EARS2: variants seen among roughly 807,000 people sequenced by gnomAD.
EARS2 encodes nondiscriminating glutamyl-tRNA synthetase EARS2, mitochondrial.
Under a neutral mutation model 54.1 loss-of-function variants are expected in EARS2, and 50 were observed. That is an observed-to-expected ratio of 0.92 (90% confidence interval 0.74 to 1.17). The LOEUF (loss-of-function observed/expected upper bound fraction) is 1.17. Ranked by LOEUF, EARS2 falls within the 50% of genes most tolerant of loss-of-function variation. The pLI, the probability that EARS2 is intolerant of heterozygous loss-of-function variation, is 0.00. For missense variants in EARS2, 673 were observed against 675.0 expected (o/e 1.00, Z 0.03); for synonymous variants, 298 against 281.0 (o/e 1.06, Z -0.61).
At chr16:23,547,489 T>A (rs1371742833) in intron 2 of EARS2, among the ~76,000 whole-genome samples, 1 of 152,178 alleles carries the variant, frequency 6.6e-6, no homozygotes, top group Admixed American at 6.5e-5. Flanking sequence ...GTAAATTTCA[T>A]ATCATGTGAA....
At chr16:23,540,367 C>T (rs1965492553) in intron 3 of EARS2, among the ~76,000 whole-genome samples, 1 of 152,140 alleles carries the variant, frequency 6.6e-6, no homozygotes, top group African/African-American at 2.4e-5. Context: ...AATAAAAAGG[C>T]AATGTCACCG....
At chr16:23,540,524 C>T (rs1293554733) in intron 3 of EARS2, among the ~76,000 whole-genome samples, 1 of 152,232 alleles carries the variant, frequency 6.6e-6, no homozygotes, top group East Asian at 1.9e-4. Flanking sequence ...AGCTACAACT[C>T]GACTCTGCAA....
In EARS2 at chr16:23,531,603, A is replaced by G. The variant is rs79579897; in HGVS notation, c.1067+1054T>C. ...AACCTCTCTATGTCCTGGGTTCCTC[A>G]TACGTGAAACAGGGCAAAATCATAC... is the stretch of plus-strand genomic sequence containing the variant. On this transcript the variant is annotated intron_variant, in intron 5 of 8. Transcript: ENST00000449606. Among the ~76,000 whole-genome samples, 14 of 152,270 alleles carry G rather than the reference A, an allele frequency of 9.2e-5. No individual in the cohort carries two copies. The East Asian group carries it at 2.7e-3, about 29-fold the overall frequency.
At chr16:23,544,190 A>G (rs574973934) in intron 3 of EARS2, among the ~76,000 whole-genome samples, 20 of 152,282 alleles carry the variant, frequency 1.3e-4, no homozygotes, top group South Asian at 2.1e-4. Flanking sequence ...AAGCTGCTCT[A>G]TGGAGAGGCT....
At chr16:23,557,354 A>C (rs1229284619), upstream of EARS2, 16 of 1,540,770 alleles carry the variant, frequency 1.0e-5, no homozygotes, top group East Asian at 4.8e-5. Context: ...GTGGGATGGA[A>C]TAGCACACGT....
At chr16:23,544,372 A>G in intron 3 of EARS2, 142 bp downstream of exon 3, 1 of 803,270 alleles carries the variant, frequency 1.2e-6, no homozygotes, top group Non-Finnish European at 1.9e-6. Flanking sequence ...CCCTGAGCCA[A>G]AGAAACAGGT....
intron 1 of EARS2, among the ~76,000 whole-genome samples, chr16:23,555,674 G>C (rs1056229695): frequency 5.3e-5 from 8 of 152,320 alleles, no homozygotes; most frequent in Middle Eastern, 3.4e-3. Context: ...CAGAAACTGA[G>C]AGTAAAGGTT....
chr16:23,543,778 T>C (rs1235105441), intron 3 of EARS2, among the ~76,000 whole-genome samples: 1 of 151,242 alleles, frequency 6.6e-6, no homozygotes, highest in Admixed American at 6.6e-5. Flanking sequence ...TGAAACCTTT[T>C]GAGTGCTGAC....
chr16:23,551,162 G>A (rs796613584), intron 2 of EARS2, among the ~76,000 whole-genome samples: 6 of 152,364 alleles, frequency 3.9e-5, no homozygotes, highest in African/African-American at 9.6e-5. Context: ...CAGCATTCCC[G>A]CATGGGCACA....
chr16:23,557,364 T>C (rs1965820212), upstream of EARS2: 3 of 1,537,930 alleles, frequency 2.0e-6, no homozygotes, highest in African/African-American at 1.4e-5. Flanking sequence ...ATAGCACACG[T>C]GGGCTTCTCC....
chr16:23,551,220 T>C (rs1290140487), intron 2 of EARS2, among the ~76,000 whole-genome samples: 1 of 152,212 alleles, frequency 6.6e-6, no homozygotes, highest in East Asian at 1.9e-4. Flanking sequence ...AGGTGTGGTT[T>C]TCACAGCTCA....
chr16:23,524,516 A>T, intron 8 of EARS2, 62 bp from the exon 9 acceptor site: 2 of 1,440,072 alleles, frequency 1.4e-6, no homozygotes, highest in East Asian at 4.5e-5. Flanking sequence ...ACTGAAGCTC[A>T]GCCTTAGTCT....
chr16:23,524,279 C>T lies in EARS2; in HGVS notation c.*92G>A, dbSNP rs1344537910. The T allele has an allele frequency of 6.4e-6, 7 of 1,096,062 alleles. No individual in the cohort carries two copies. Among genetic ancestry groups the T allele is most frequent in the Middle Eastern group, 2.2e-4 (1 of 4,606 alleles). 67.9% of individuals were successfully genotyped at this position (1,096,062 alleles called of 1,614,324 possible). A position where few individuals can be genotyped will look rare whatever the true frequency, so the allele number is the denominator to read the frequency against. On this transcript the variant is annotated 3_prime_UTR_variant, in exon 9 of 9. Transcript: ENST00000449606. ...CTCTTAGTTCCTTCAGCAAACTTCCCGACGGGCCCCAGGCCTCCTTCTGGT... is the reference window on the plus strand; with the variant it reads ...CTCTTAGTTCCTTCAGCAAACTTCCTGACGGGCCCCAGGCCTCCTTCTGGT...
intron 5 of EARS2, among the ~76,000 whole-genome samples, chr16:23,531,351 C>T (rs1965324609): frequency 6.6e-6 from 1 of 151,942 alleles, no homozygotes; most frequent in African/African-American, 2.4e-5. Context: ...AGCTCCGCCT[C>T]CTGGGTTCAC....
intron 3 of EARS2, among the ~76,000 whole-genome samples, chr16:23,537,756 T>TAG (rs1965445612): frequency 6.6e-6 from 1 of 151,220 alleles, no homozygotes; most frequent in African/African-American, 2.4e-5. Flanking sequence ...GTATTTTTAG[T>TAG]AGAGACAGGG....
intron 1 of EARS2, chr16:23,552,983 A>G: frequency 3.0e-6 from 1 of 332,802 alleles, no homozygotes; most frequent in Admixed American, 3.8e-5. Context: ...AAAAATATAA[A>G]AATTTAGCTG....
intron 7 of EARS2, among the ~76,000 whole-genome samples, chr16:23,528,859 G>A (rs571902820): frequency 6.6e-6 from 1 of 152,338 alleles, no homozygotes; most frequent in South Asian, 2.1e-4. Flanking sequence ...ATGGAGAAAT[G>A]TACTTCCACA....
Position 23,524,333 on chromosome 16 carries a change from T to A in EARS2, c.*38A>T. The stretch of plus-strand genomic sequence containing the variant: ...TGAAAGCTGTTTCTAAGCTCACAGG[T>A]TCTTAGGGCGATCTCCACTGCCCGA... On this transcript the variant is annotated 3_prime_UTR_variant, in exon 9 of 9. Transcript: ENST00000449606. The A allele has an allele frequency of 6.3e-7, 1 of 1,577,650 alleles. No individual in the cohort carries two copies. Among genetic ancestry groups the A allele is most frequent in the Non-Finnish European group, 8.7e-7 (1 of 1,146,828 alleles).
chr16:23,539,121 G>A (rs1965472471), intron 3 of EARS2, among the ~76,000 whole-genome samples: 1 of 151,742 alleles, frequency 6.6e-6, no homozygotes, highest in African/African-American at 2.4e-5. Context: ...GAGATTATGG[G>A]CACACACCAC....
Sources: allele counts gnomAD v4.1 joint callset (sites outside exome capture counted in the v4.1 genomes callset), GRCh38; gene constraint gnomAD v4.1.1; transcripts MANE v1.5; gene names NCBI Gene and HGNC (gene_info 2026-07-23, HGNC 2026-07-21).